Variants in DENND6B observed in about 807,000 individuals in gnomAD.
DENND6B encodes the protein DENN domain containing 6B, also known as protein DENND6B.
DENND6B carries 73 observed loss-of-function variants against 85.1 expected under a neutral mutation model. The observed-to-expected ratio is 0.86, with a 90% CI of 0.71 to 1.04. DENND6B has a LOEUF of 1.04. Among genes scored for constraint, DENND6B ranks in the 50% least tolerant of loss-of-function variants. The pLI, the probability that DENND6B is intolerant of heterozygous loss-of-function variation, is 0.00. For synonymous variants in DENND6B, 357 were observed against 329.3 expected (o/e 1.08, Z -0.91); for missense variants, 715 against 785.8 (o/e 0.91, Z 1.08).
chr22:50,312,675 C>A, intron 17 of DENND6B, 50 bp from the exon 18 acceptor site: 1 of 1,358,554 alleles, frequency 7.4e-7, no homozygotes, highest in Non-Finnish European at 1.0e-6. Context: ...TGGGGATTGA[C>A]AGGCGGGGGC....
rs2068055448 is a variant in DENND6B at position 50,311,190 on chromosome 22, A to G, written c.*949T>C. 1 of 152,096 alleles carries G rather than the reference A, an allele frequency of 6.6e-6. No individual in the cohort carries two copies. Among genetic ancestry groups the G allele is most frequent in the South Asian group, 2.1e-4 (1 of 4,818 alleles). 9.4% of individuals were successfully genotyped at this position (152,096 alleles called of 1,614,324 possible). On this transcript the variant is annotated 3_prime_UTR_variant, in exon 20 of 20. Coordinates refer to ENST00000413817, the MANE Select transcript of DENND6B (RefSeq NM_001001794.4). ...TGTCCGGAGCCCTGACAGTACCGTC[A>G]CTGTGTGCTGTGCAGGGTCAACACC...
At chr22:50,315,360 G>A (rs979725898) in intron 9 of DENND6B, among the ~76,000 whole-genome samples, 3 of 152,192 alleles carry the variant, frequency 2.0e-5, no homozygotes, top group Admixed American at 1.3e-4. Flanking sequence ...CAGAGAAGGC[G>A]GCCTCAGGCA....
chr22:50,316,205 A>C lies in DENND6B; in HGVS notation c.608T>G (p.Leu203Arg). The change falls in exon 7 of 20, where the codon CTG (leucine) becomes CGG (arginine). Residue 203 changes from leucine (L) to arginine (R), a missense_variant. Leu to Arg is a moderately radical substitution (Grantham distance 102). Coordinates refer to ENST00000413817, the MANE Select transcript of DENND6B (RefSeq NM_001001794.4). ...QWPAPAPGQT[L>R]NLPVMGVVVQ... ...AACAACGCCCATGACAGGTAGGTTC[A>C]GGGTCTGCCCAGGTGCAGGCGCCGG... 6.2e-7 allele frequency: 1 copy of C among 1,611,944 alleles called. No homozygotes were observed. The highest frequency in any genetic ancestry group is 1.1e-5 in the South Asian group (1 of 91,060).
chr22:50,315,578 A>ACACACGTG, intron 9 of DENND6B, 136 bp downstream of exon 9: 1 of 1,085,598 alleles, frequency 9.2e-7, no homozygotes, highest in African/African-American at 1.6e-5. Context: ...CCATACACAC[A>ACACACGTG]CACACGTGCA....
At position 50,314,867 on chromosome 22, in the gene DENND6B, G is replaced by A. The variant is rs369104653; in HGVS notation, c.813C>T (p.Leu271=). ...HMQTLWELML[L]GEPLLVLAPS... ...GTGCCAGGACTAGCAGGGGCTCCCC[G>A]AGGAGCATGAGCTCCCACAGTGTCT... is the stretch of plus-strand genomic sequence containing the variant. The change falls in exon 10 of 20, where the codon CTC becomes CTT. Residue 271 remains leucine, a synonymous_variant. Transcript: ENST00000413817. 4.4e-4 allele frequency: 716 copies of A among 1,612,332 alleles called. 10 individuals are homozygous for A. In the South Asian group the frequency reaches 5.7e-3, roughly 13 times the overall value.
chr22:50,314,305 G>A (rs1008165293), intron 12 of DENND6B, 33 bp from the exon 13 acceptor site: 46 of 1,603,470 alleles, frequency 2.9e-5, no homozygotes, highest in Admixed American at 1.7e-4. Context: ...AGGCCTCAGT[G>A]CCCGCAGCTC....
At chr22:50,313,551 C>CAA in intron 15 of DENND6B, 52 bp from the exon 16 acceptor site, 1 of 1,455,566 alleles carries the variant, frequency 6.9e-7, no homozygotes, top group Non-Finnish European at 9.1e-7. Context: ...CCCCCAGCCC[C>CAA]ATCCCCCGCA....
intron 16 of DENND6B, 103 bp from the exon 17 acceptor site, chr22:50,313,211 C>A (rs2068109778): frequency 8.0e-7 from 1 of 1,252,518 alleles, no homozygotes; most frequent in Non-Finnish European, 1.1e-6. Flanking sequence ...AGACCCCCAG[C>A]CCCCACCCTG....
chr22:50,314,291 G>C lies in DENND6B; in HGVS notation c.1073-19C>G. 6.2e-7 allele frequency: 1 copy of C among 1,607,528 alleles called. No individual in the cohort carries two copies. The highest frequency in any genetic ancestry group is 8.5e-7 in the Non-Finnish European group (1 of 1,178,000). ...AGGTCTCCTACGAGACACGCCCGGT[G>C]GCCAGGCCTCAGTGCCCGCAGCTCT... On this transcript the variant is annotated intron_variant, in intron 12 of 19. Coordinates refer to ENST00000413817, the MANE Select transcript of DENND6B (RefSeq NM_001001794.4).
intron 17 of DENND6B, 48 bp downstream of exon 17, chr22:50,312,951 C>T (rs1362667334): frequency 1.3e-6 from 2 of 1,510,290 alleles, no homozygotes; most frequent in South Asian, 1.2e-5. Context: ...GGGGCTGACC[C>T]TGTGGACCAA....
chr22:50,317,788 G>T, intron 4 of DENND6B, 120 bp downstream of exon 4: 3 of 1,033,912 alleles, frequency 2.9e-6, no homozygotes, highest in Non-Finnish European at 4.1e-6. Flanking sequence ...GGCCTGGCCA[G>T]CTCCTCTCCT....
At chr22:50,323,742 T>TA (rs1491025747) in intron 1 of DENND6B, among the ~76,000 whole-genome samples, 8 of 114,300 alleles carry the variant, frequency 7.0e-5, no homozygotes, top group Non-Finnish European at 1.1e-4. Flanking sequence ...TTTTTTTTTT[T>TA]TAATTTTGTT....
intron 1 of DENND6B, among the ~76,000 whole-genome samples, chr22:50,325,219 T>C (rs1172198530): frequency 6.6e-6 from 1 of 151,788 alleles, no homozygotes; most frequent in Non-Finnish European, 1.5e-5. Flanking sequence ...GAGCTGAGCA[T>C]CCCCAGCAAA....
chr22:50,326,773 C>A, intron 1 of DENND6B, 39 bp downstream of exon 1: 1 of 1,342,890 alleles, frequency 7.4e-7, no homozygotes, highest in Non-Finnish European at 9.5e-7. Flanking sequence ...GAGGCGCAGC[C>A]CTGCCCACCC....
chr22:50,316,152 T>A, intron 7 of DENND6B, 22 bp downstream of exon 7: 8 of 1,612,506 alleles, frequency 5.0e-6, no homozygotes, highest in Admixed American at 1.7e-5. Context: ...CAGAGCCTAC[T>A]CCCCAGCCAG....
rs2041711794 is a variant in DENND6B at position 50,314,411 on chromosome 22, G to A, written c.1061C>T (p.Pro354Leu). ...HWPHILRVGE[P>L]KMSGDLPKQV... ...ACCGGGAGCCTGACCTGACATCTTG[G>A]GCTCCCCGACTCGGAGGATGTGGGG... The change falls in exon 12 of 20, where the codon CCC (proline) becomes CTC (leucine). Residue 354 changes from proline to leucine, a missense_variant. Coordinates refer to ENST00000413817, the MANE Select transcript of DENND6B (RefSeq NM_001001794.4). 6.4e-7 allele frequency: 1 copy of A among 1,564,284 alleles called. No individual in the cohort carries two copies. The highest frequency in any genetic ancestry group is 1.9e-5 in the Admixed American group (1 of 52,358).
In DENND6B at chr22:50,319,086, G is replaced by A. The variant is rs557026046; in HGVS notation, c.178-83C>T. On this transcript the variant is annotated intron_variant, in intron 1 of 19. Transcript: ENST00000413817. ...CGACAGCATCTGCTGGACTGTGACCGTCCCAGCAGCTGCAGCATCTGTCTG... is the reference window on the plus strand; with the variant it reads ...CGACAGCATCTGCTGGACTGTGACCATCCCAGCAGCTGCAGCATCTGTCTG... 164 of 1,546,654 alleles carry A rather than the reference G, an allele frequency of 1.1e-4. 2 individuals are homozygous for A. The South Asian group carries it at 1.3e-3, about 12-fold the overall frequency.
intron 1 of DENND6B, among the ~76,000 whole-genome samples, chr22:50,323,020 C>CT (rs386395718): frequency 0.026 from 1,009 of 39,040 alleles, 267 homozygotes; most frequent in African/African-American, 0.096. Flanking sequence ...CCGGCTAATG[C>CT]TTTTTTTTTT....
At chr22:50,324,607 A>G (rs2042142340) in intron 1 of DENND6B, among the ~76,000 whole-genome samples, 1 of 152,112 alleles carries the variant, frequency 6.6e-6, no homozygotes, top group African/African-American at 2.4e-5. Context: ...TATTTTTAGT[A>G]GAGACAGGGT....
Sources: gnomAD v4.1 joint callset for allele counts (sites outside exome capture counted in the v4.1 genomes callset) on GRCh38, gnomAD v4.1.1 for gene constraint, MANE v1.5 for transcripts, NCBI Gene and HGNC (gene_info 2026-07-23, HGNC 2026-07-21) for gene names.